PACRG: variants seen among roughly 807,000 people sequenced by gnomAD.
PACRG encodes the protein parkin coregulated, also known as parkin coregulated gene protein.
In PACRG, 29 loss-of-function variants were observed where a neutral mutation model predicts 29.7. The ratio of observed to expected loss-of-function variants is 0.98; its 90% CI spans 0.73 to 1.33. The LOEUF (loss-of-function observed/expected upper bound fraction) is 1.33, where lower values mean the gene tolerates loss of function less well. PACRG is among the 40% of genes most tolerant of loss of function. The pLI, the probability that PACRG is intolerant of heterozygous loss-of-function variation, is 0.00. For missense variants in PACRG, 279 were observed against 316.2 expected, an observed-to-expected ratio of 0.88 and a Z score of 0.89; for synonymous variants, 116 against 118.7, an observed-to-expected ratio of 0.98 and a Z score of 0.15.
intron 2 of PACRG, among the ~76,000 whole-genome samples, chr6:163,014,235 T>G (rs1805876089): frequency 6.6e-6 from 1 of 152,208 alleles, no homozygotes; most frequent in African/African-American, 2.4e-5. Flanking sequence ...ATGTACCACA[T>G]TTTCTTTATC....
rs185594916 is a variant in PACRG, at chr6:162,974,499, A to C, written c.292-87651A>C. Among the ~76,000 whole-genome samples, 164 of 152,336 alleles carry C rather than the reference A, an allele frequency of 1.1e-3. 1 individual carries two copies. Among genetic ancestry groups the C allele is most frequent in the South Asian group, 7.9e-3 (38 of 4,828 alleles). ...AATTGTAGTCTCACCTACTTCATTC[A>C]AAATGACTCATCCTGTAACCAGTCT... On this transcript the variant is annotated intron_variant, in intron 2 of 4. Coordinates refer to ENST00000366888, the MANE Select transcript of PACRG (RefSeq NM_001080379.2).
At chr6:162,844,889 G>T (rs1271791491) in intron 2 of PACRG, among the ~76,000 whole-genome samples, 1 of 152,148 alleles carries the variant, frequency 6.6e-6, no homozygotes, top group African/African-American at 2.4e-5. Context: ...AGAAGCAGAA[G>T]TCCACTATGC....
intron 2 of PACRG, among the ~76,000 whole-genome samples, chr6:163,043,426 A>T (rs963697440): frequency 6.6e-6 from 1 of 152,056 alleles, no homozygotes; most frequent in Admixed American, 6.6e-5. Context: ...CATGGTGGTG[A>T]GCCTGTAGTC....
chr6:163,080,088 C>T (rs190982654), intron 3 of PACRG, among the ~76,000 whole-genome samples: 6 of 151,372 alleles, frequency 4.0e-5, no homozygotes, highest in Non-Finnish European at 7.4e-5. Context: ...TTAGTAGAGA[C>T]GGGGTTTCAC....
intron 2 of PACRG, among the ~76,000 whole-genome samples, chr6:162,857,829 C>T (rs1402969477): frequency 1.3e-5 from 2 of 149,602 alleles, no homozygotes; most frequent in Admixed American, 1.3e-4. Flanking sequence ...AAAATATGTT[C>T]TCGTTGCCCA....
intron 2 of PACRG, among the ~76,000 whole-genome samples, chr6:162,829,351 G>C (rs748109457): frequency 6.6e-5 from 10 of 152,246 alleles, no homozygotes; most frequent in Non-Finnish European, 1.5e-5. Flanking sequence ...TGCTATGGCA[G>C]TTGTATAACA....
chr6:162,785,376 A>G (rs1584346569), intron 1 of PACRG, among the ~76,000 whole-genome samples: 1 of 152,220 alleles, frequency 6.6e-6, no homozygotes, highest in African/African-American at 2.4e-5. Context: ...AGACTAAAAA[A>G]GCCTTCCCTT....
chr6:162,931,925 G>A (rs1170573995), intron 2 of PACRG, among the ~76,000 whole-genome samples: 1 of 152,088 alleles, frequency 6.6e-6, no homozygotes, highest in South Asian at 2.1e-4. Flanking sequence ...CAGAAGGAAA[G>A]AAAATGTATG....
chr6:163,276,209 G>A (rs1784020705), intron 4 of PACRG, among the ~76,000 whole-genome samples: 2 of 151,766 alleles, frequency 1.3e-5, no homozygotes, highest in South Asian at 4.1e-4. Flanking sequence ...GTATTTTTTT[G>A]TAGAGATGGG....
At chr6:163,290,342 A>G (rs1224087063) in intron 4 of PACRG, among the ~76,000 whole-genome samples, 1 of 149,840 alleles carries the variant, frequency 6.7e-6, no homozygotes, top group Non-Finnish European at 1.5e-5. Flanking sequence ...CTGAGTGACC[A>G]TCTTAATGGG....
intron 1 of PACRG, among the ~76,000 whole-genome samples, chr6:162,753,381 C>T (rs1487529000): frequency 2.6e-5 from 4 of 151,830 alleles, no homozygotes; most frequent in Non-Finnish European, 4.4e-5. Context: ...CTGATAATTT[C>T]ATGTAGCATA....
chr6:162,763,952 T>A (rs112068246), intron 1 of PACRG, among the ~76,000 whole-genome samples: 3,942 of 152,256 alleles, frequency 0.026, 116 homozygotes, highest in Middle Eastern at 0.037. Flanking sequence ...TTAAAGTGTC[T>A]GCTCTAAGAC....
chr6:162,900,729 G>A (rs1196538697), intron 2 of PACRG, among the ~76,000 whole-genome samples: 1 of 152,088 alleles, frequency 6.6e-6, no homozygotes, highest in Non-Finnish European at 1.5e-5. Context: ...TGCTGCCTCC[G>A]GGACTTGCTG....
At chr6:162,994,741 C>G (rs1354153003) in intron 2 of PACRG, among the ~76,000 whole-genome samples, 1 of 149,292 alleles carries the variant, frequency 6.7e-6, no homozygotes, top group Non-Finnish European at 1.5e-5. Context: ...TCTCTCAGCT[C>G]GTCAAAGTCA....
intron 4 of PACRG, among the ~76,000 whole-genome samples, chr6:163,099,180 G>A (rs1814862977): frequency 6.6e-6 from 1 of 152,142 alleles, no homozygotes; most frequent in Non-Finnish European, 1.5e-5. Context: ...ACCCCTCTGA[G>A]GTACCCCAAC....
intron 2 of PACRG, among the ~76,000 whole-genome samples, chr6:163,011,325 C>T (rs947019309): frequency 6.6e-6 from 1 of 152,182 alleles, no homozygotes; most frequent in Admixed American, 6.5e-5. Flanking sequence ...TAGCCGATTG[C>T]CCCCAGGAAA....
intron 4 of PACRG, among the ~76,000 whole-genome samples, chr6:163,156,150 G>T (rs977983188): frequency 7.2e-5 from 11 of 152,336 alleles, no homozygotes; most frequent in African/African-American, 2.6e-4. Flanking sequence ...GGCTCCTGCA[G>T]CCTCTTCTCC....
rs148299057 is a variant in PACRG at position 163,232,396 on chromosome 6, C to T, written c.614-82431C>T. ...TCTTAGCTCCAGCCTGCGTGTCAGA[C>T]CAACGCCCACACTTTGTCCACTTCT... On this transcript the variant is annotated intron_variant, in intron 4 of 4. Coordinates refer to ENST00000366888, the MANE Select transcript of PACRG (RefSeq NM_001080379.2). Among the ~76,000 whole-genome samples, 746 of 152,090 alleles carry T rather than the reference C, an allele frequency of 4.9e-3. 8 individuals carry two copies. Among genetic ancestry groups the T allele is most frequent in the African/African-American group, 0.017 (722 of 41,460 alleles).
At chr6:162,757,506 G>T (rs984080518) in intron 1 of PACRG, among the ~76,000 whole-genome samples, 2 of 151,982 alleles carry the variant, frequency 1.3e-5, no homozygotes, top group Non-Finnish European at 2.9e-5. Context: ...TCAGGAGTTC[G>T]AGACCAGCCT....
Sources: gnomAD v4.1 joint callset for allele counts (sites outside exome capture counted in the v4.1 genomes callset) on GRCh38, gnomAD v4.1.1 for gene constraint, MANE v1.5 for transcripts, NCBI Gene and HGNC (gene_info 2026-07-23, HGNC 2026-07-21) for gene names.